Variants in ZNF138 observed in about 807,000 individuals in gnomAD.
The protein encoded by ZNF138 is zinc finger protein 138, also known as zinc finger protein 138 (clone pHZ-32).
A neutral mutation model predicts 33.0 loss-of-function variants in ZNF138; 33 were observed. The observed-to-expected ratio is 1.00, with a 90% confidence interval of 0.76 to 1.34. The LOEUF is 1.34. ZNF138 is among the 40% of genes most tolerant of loss of function. The pLI, the probability that ZNF138 is intolerant of heterozygous loss-of-function variation, is 0.00. For missense variants in ZNF138, 360 were observed against 370.8 expected, an observed-to-expected ratio of 0.97 and a Z score of 0.24; for synonymous variants, 139 against 120.4, an observed-to-expected ratio of 1.15 and a Z score of -1.01.
chr7:64,858,049 G>A, the ZNF138 span, among the ~76,000 whole-genome samples: 1 of 152,196 alleles, frequency 6.6e-6, no homozygotes, highest in South Asian at 2.1e-4. Flanking sequence ...TCCTTTTTCT[G>A]TGCATATTGC....
At chr7:64,834,665 ATTG>A (rs1219601683), downstream of ZNF138, among the ~76,000 whole-genome samples, 2 of 152,120 alleles carry the variant, frequency 1.3e-5, no homozygotes, top group Non-Finnish European at 2.9e-5. Context: ...TTATGTCAAT[ATTG>A]TTTTTGAATT....
intron 3 of ZNF138, among the ~76,000 whole-genome samples, chr7:64,816,082 C>T (rs1788608644): frequency 6.6e-6 from 1 of 151,118 alleles, no homozygotes. Flanking sequence ...TCTGCATATT[C>T]CATTCTGTTT....
In ZNF138 at chr7:64,799,164, T is replaced by G. The variant is rs1583769073; in HGVS notation, c.3+4593T>G. Among the ~76,000 whole-genome samples, 3 of 152,080 alleles carry G rather than the reference T, an allele frequency of 2.0e-5. No homozygotes were observed. In the East Asian group the frequency reaches 5.8e-4, roughly 29 times the overall value. ...TATGGCCATTTTAATGATATTGATC[T>G]TTTCTTTTCTTTTTTTTTTGAGATA... is the stretch of plus-strand genomic sequence containing the variant. On this transcript the variant is annotated intron_variant, in intron 1 of 3. Coordinates refer to ENST00000307355, the MANE Select transcript of ZNF138 (RefSeq NM_001271639.2).
the ZNF138 span, among the ~76,000 whole-genome samples, chr7:64,851,564 C>G: frequency 6.6e-6 from 1 of 152,004 alleles, no homozygotes; most frequent in Admixed American, 6.5e-5. Flanking sequence ...ACAGAACAGT[C>G]TTTATTATTG....
In ZNF138 at chr7:64,814,904, T is replaced by TTTTTCA. The variant is rs767847457; in HGVS notation, c.4-14_4-13insTTTTCA. The TTTTTCA allele has an allele frequency of 6.5e-7, 1 of 1,547,898 alleles. No homozygotes were observed. Among genetic ancestry groups the TTTTTCA allele is most frequent in the Admixed American group, 1.7e-5 (1 of 57,574 alleles). ...GTTAATGTGTGTGTGTGTTTGTGTGTGCGTGTTTTTCAGGGACCACTGACA... is the reference window on the plus strand; with the variant it reads ...GTTAATGTGTGTGTGTGTTTGTGTGTTTTTCAGCGTGTTTTTCAGGGACCACTGACA... On this transcript the variant is annotated splice_polypyrimidine_tract_variant and intron_variant, in intron 1 of 3. Transcript: ENST00000307355.
At chr7:64,838,148 C>T (rs1259624858), downstream of ZNF138, among the ~76,000 whole-genome samples, 2 of 136,518 alleles carry the variant, frequency 1.5e-5, no homozygotes, top group African/African-American at 2.4e-5. Flanking sequence ...GAGGGGTTCC[C>T]AAGTCTGGGC....
the ZNF138 span, among the ~76,000 whole-genome samples, chr7:64,859,812 C>G: frequency 6.6e-6 from 1 of 152,192 alleles, no homozygotes; most frequent in Non-Finnish European, 1.5e-5. Flanking sequence ...AATCTCTTCT[C>G]TCTTTAAAAA....
chr7:64,802,554 G>A (rs1010984842), intron 1 of ZNF138, among the ~76,000 whole-genome samples: 11 of 151,608 alleles, frequency 7.3e-5, no homozygotes, highest in South Asian at 4.2e-4. Flanking sequence ...ATAATGTTAC[G>A]CCAGAGTCAG....
chr7:64,808,338 AT>A (rs1488887922), intron 1 of ZNF138, among the ~76,000 whole-genome samples: 1 of 152,158 alleles, frequency 6.6e-6, no homozygotes, highest in Non-Finnish European at 1.5e-5. Flanking sequence ...GGATAAACTA[AT>A]TGCTTGCATT....
In ZNF138 at chr7:64,829,288, G is replaced by A. The variant is rs976178324; in HGVS notation, c.209-2163G>A. ...GTCTTATTTTTATTAGAGCAAGTAAGTATTAAAATACTCTACTGTAATTAT... is the reference window on the plus strand; with the variant it reads ...GTCTTATTTTTATTAGAGCAAGTAAATATTAAAATACTCTACTGTAATTAT... On this transcript the variant is annotated intron_variant, in intron 3 of 3. Coordinates refer to ENST00000307355, the MANE Select transcript of ZNF138 (RefSeq NM_001271639.2). Among the ~76,000 whole-genome samples the A allele has an allele frequency of 4.1e-5, 6 of 146,046 alleles. 1 individual carries two copies. Among genetic ancestry groups the A allele is most frequent in the South Asian group, 4.4e-4 (2 of 4,590 alleles).
At chr7:64,841,480 T>C in the ZNF138 span, among the ~76,000 whole-genome samples, 1 of 151,080 alleles carries the variant, frequency 6.6e-6, no homozygotes, top group African/African-American at 2.4e-5. Context: ...ATATTCCTGC[T>C]AGAGTTAGTT....
chr7:64,834,128 T>C (rs151319668), downstream of ZNF138, among the ~76,000 whole-genome samples: 1 of 145,158 alleles, frequency 6.9e-6, no homozygotes, highest in Non-Finnish European at 1.5e-5. Context: ...ACAGATCTTA[T>C]TGTACACATT....
intron 3 of ZNF138, among the ~76,000 whole-genome samples, chr7:64,829,423 T>C (rs1169150426): frequency 6.6e-6 from 1 of 150,900 alleles, no homozygotes; most frequent in Non-Finnish European, 1.5e-5. Context: ...CACACATATG[T>C]AGAAATTTGT....
the ZNF138 span, among the ~76,000 whole-genome samples, chr7:64,841,965 A>G: frequency 5.6e-4 from 86 of 152,352 alleles, no homozygotes; most frequent in African/African-American, 2.0e-3. Context: ...AGTGTGACAC[A>G]TTTAATATTT....
At chr7:64,804,097 C>A (rs1031818887) in intron 1 of ZNF138, among the ~76,000 whole-genome samples, 3 of 152,204 alleles carry the variant, frequency 2.0e-5, no homozygotes, top group African/African-American at 7.2e-5. Flanking sequence ...GACCACCCCT[C>A]ATACTGTCTC....
intron 1 of ZNF138, chr7:64,814,133 A>C: frequency 8.3e-7 from 1 of 1,207,390 alleles, no homozygotes; most frequent in Non-Finnish European, 1.0e-6. Flanking sequence ...TGAGCCAAAA[A>C]CATTGACATT....
downstream of ZNF138, among the ~76,000 whole-genome samples, chr7:64,838,678 G>A (rs369109335): frequency 1.7e-4 from 26 of 152,286 alleles, 1 homozygote; most frequent in East Asian, 2.3e-3. Flanking sequence ...CAGGATTAGC[G>A]GATATCACTG....
At chr7:64,854,343 T>G in the ZNF138 span, among the ~76,000 whole-genome samples, 1 of 152,206 alleles carries the variant, frequency 6.6e-6, no homozygotes, top group African/African-American at 2.4e-5. Context: ...CAGGTTCGAC[T>G]GATTGTCCTG....
the ZNF138 span, among the ~76,000 whole-genome samples, chr7:64,846,378 T>A: frequency 6.6e-6 from 1 of 152,244 alleles, no homozygotes; most frequent in Admixed American, 6.5e-5. Flanking sequence ...ACTATATTGA[T>A]TCTACCCATC....
Sources: allele counts gnomAD v4.1 joint callset (sites outside exome capture counted in the v4.1 genomes callset), GRCh38; gene constraint gnomAD v4.1.1; transcripts MANE v1.5; gene names NCBI Gene and HGNC (gene_info 2026-07-23, HGNC 2026-07-21).